The following ATCAY variants were observed in gnomAD, a reference collection of about 807,000 sequenced individuals.
ATCAY encodes the protein ATCAY kinesin light chain interacting caytaxin.
A neutral mutation model predicts 47.7 loss-of-function variants in ATCAY; 22 were observed. The ratio of observed to expected loss-of-function variants is 0.46; its 90% CI spans 0.33 to 0.66. ATCAY has a LOEUF of 0.66. ATCAY is among the 30% of genes least tolerant of loss of function. The pLI is 0.02. For synonymous variants in ATCAY, 216 were observed against 207.6 expected (o/e 1.04, Z -0.35); for missense variants, 452 against 515.0 (o/e 0.88, Z 1.18).
At chr19:3,902,423 C>A in intron 2 of ATCAY, 64 bp from the exon 3 acceptor site, 1 of 1,499,980 alleles carries the variant, frequency 6.7e-7, no homozygotes, top group Non-Finnish European at 9.1e-7. Context: ...TGGGCCACTC[C>A]ACTGTCCTCT....
chr19:3,900,895 CTTTTTTTTT>C (rs59395284), intron 2 of ATCAY, among the ~76,000 whole-genome samples: 1 of 92,252 alleles, frequency 1.1e-5, no homozygotes, highest in Non-Finnish European at 2.0e-5. Context: ...TATCCTTCAT[CTTTTTTTTT>C]TTTTTTTTTT....
At chr19:3,915,970 A>G (rs866260713) in intron 9 of ATCAY, among the ~76,000 whole-genome samples, 3 of 151,742 alleles carry the variant, frequency 2.0e-5, no homozygotes, top group Admixed American at 6.6e-5. Context: ...GATTACAGGC[A>G]TGAGCCACTG....
intron 12 of ATCAY, 68 bp from the exon 13 acceptor site, chr19:3,924,515 A>T: frequency 6.3e-7 from 1 of 1,586,106 alleles, no homozygotes; most frequent in South Asian, 1.1e-5. Context: ...GATTACATAC[A>T]TGTAGAAGCG....
In ATCAY at chr19:3,886,319, G is replaced by T. The variant is rs535832353; in HGVS notation, c.77+475G>T. Among the ~76,000 whole-genome samples the T allele has an allele frequency of 2.8e-4, 42 of 152,232 alleles. No homozygotes were observed. The East Asian group carries it at 5.8e-3, about 21-fold the overall frequency. On this transcript the variant is annotated intron_variant, in intron 2 of 12. Coordinates refer to ENST00000450849, the MANE Select transcript of ATCAY (RefSeq NM_033064.5). ...CAAAAATTAGCTGGGCATGCCGGGC[G>T]CAGTGACTCATGCCTGTAATCCCAG...
intron 6 of ATCAY, among the ~76,000 whole-genome samples, chr19:3,908,904 A>C (rs1002221574): frequency 0.012 from 151 of 13,072 alleles, no homozygotes; most frequent in South Asian, 0.014. Context: ...CCCCCTCCCC[A>C]TCCTCCTCCT....
chr19:3,918,179 G>A (rs2038982393), intron 10 of ATCAY, among the ~76,000 whole-genome samples: 1 of 152,082 alleles, frequency 6.6e-6, no homozygotes, highest in Non-Finnish European at 1.5e-5. Flanking sequence ...GAGGTCAGGA[G>A]TTGGAGAACA....
chr19:3,895,146 A>G (rs1451022287), intron 2 of ATCAY: 2 of 455,990 alleles, frequency 4.4e-6, no homozygotes, highest in East Asian at 1.4e-4. Context: ...GCTTTGCACA[A>G]TCCTGGGAAC....
rs926383867 is a variant in ATCAY, at chr19:3,925,013, G to A, written c.*421G>A. 34 of 167,626 alleles carry A rather than the reference G, an allele frequency of 2.0e-4. No homozygotes were observed. The highest frequency in any genetic ancestry group is 7.4e-4 in the African/African-American group (31 of 41,916). The allele number at this position is 167,626 out of a possible 1,614,324, so 10.4% of individuals were successfully genotyped here. On this transcript the variant is annotated 3_prime_UTR_variant, in exon 13 of 13. Transcript: ENST00000450849. The surrounding 1 kb of genome is among the most constrained non-coding windows in gnomAD (Gnocchi z 4.4). The stretch of plus-strand genomic sequence containing the variant: ...CAGGTTGGAGCCACAGACACCCACC[G>A]CCACCCCGGCTGGGTCTGCGTCCTT...
chr19:3,909,712 G>A lies in ATCAY; in HGVS notation c.779+95G>A, dbSNP rs183325814. On this transcript the variant is annotated intron_variant, in intron 7 of 12. Coordinates refer to ENST00000450849, the MANE Select transcript of ATCAY (RefSeq NM_033064.5). ...TCACACCTGGAATCCCAGCACTTCG[G>A]GAGGCTGAGGTGGGAAGGTCCCTTG... is the stretch of plus-strand genomic sequence containing the variant. 7.3e-4 allele frequency: 1,100 copies of A among 1,501,212 alleles called. 7 individuals carry two copies. In the African/African-American group the frequency reaches 0.014, roughly 19 times the overall value. 93.0% of individuals were successfully genotyped at this position (1,501,212 alleles called of 1,614,324 possible). A position where few individuals can be genotyped will look rare whatever the true frequency, so the allele number is the denominator to read the frequency against.
chr19:3,885,109 TA>T (rs34258948), intron 1 of ATCAY, among the ~76,000 whole-genome samples: 1,877 of 70,262 alleles, frequency 0.027, 40 homozygotes, highest in African/African-American at 0.088. Context: ...TTTTTTTTTT[TA>T]AAAAAAAAAA....
At chr19:3,918,736 C>T in intron 10 of ATCAY, 70 bp from the exon 11 acceptor site, 1 of 1,553,926 alleles carries the variant, frequency 6.4e-7, no homozygotes, top group Non-Finnish European at 8.9e-7. Flanking sequence ...GAGGCCAGTA[C>T]TAGCTGAGAG....
intron 2 of ATCAY, among the ~76,000 whole-genome samples, chr19:3,893,220 C>A (rs2038734844): frequency 6.9e-6 from 1 of 144,926 alleles, no homozygotes; most frequent in African/African-American, 2.6e-5. Flanking sequence ...GTCGCCCAGG[C>A]TGGAGTGCAG....
At chr19:3,905,693 AC>A (rs560509543) in intron 4 of ATCAY, 38 bp downstream of exon 4, 473 of 1,369,270 alleles carry the variant, frequency 3.5e-4, no homozygotes, top group African/African-American at 2.1e-3. Context: ...GCTGGAGCCC[AC>A]CCCCCCCACC....
chr19:3,910,807 C>A lies in ATCAY; in HGVS notation c.784C>A (p.Arg262=). ...TTCCTTTGCGGCCCCACACAGGTTG[C>A]GGAAAAACCTGAAGTCCTTGATCAT... ...KCYQMIDRRL[R]KNLKSLIIVH... The change falls in exon 8 of 13, where the codon CGG becomes AGG. Residue 262 remains arginine, a synonymous_variant. Transcript: ENST00000450849. The A allele has an allele frequency of 6.2e-7, 1 of 1,614,014 alleles. No individual in the cohort carries two copies. Among genetic ancestry groups the A allele is most frequent in the Non-Finnish European group, 8.5e-7 (1 of 1,179,882 alleles).
chr19:3,885,065 T>G lies in ATCAY; in HGVS notation c.-41-662T>G, dbSNP rs985363184. On this transcript the variant is annotated intron_variant, in intron 1 of 12. Coordinates refer to ENST00000450849, the MANE Select transcript of ATCAY (RefSeq NM_033064.5). The stretch of plus-strand genomic sequence containing the variant: ...CTGCCATGAGCCATGATTGTGCCCC[T>G]GCACTCCAGCCCAGGCAACAGAGCA... 2.2e-5 allele frequency among the ~76,000 whole-genome samples: 3 copies of G among 138,364 alleles called. No homozygotes were observed. The East Asian group carries it at 6.7e-4, about 31-fold the overall frequency. The allele number at this position is 138,364 out of a possible 152,430, so 90.8% of individuals were successfully genotyped here.
intron 10 of ATCAY, among the ~76,000 whole-genome samples, chr19:3,918,256 G>A (rs12981252): frequency 0.061 from 9,267 of 151,984 alleles, 323 homozygotes; most frequent in Middle Eastern, 0.085. Flanking sequence ...GTGGTGGTGC[G>A]TGCCTGTAAT....
chr19:3,908,251 C>A lies in ATCAY; in HGVS notation c.545-17C>A. 1 of 1,558,342 alleles carries A rather than the reference C, an allele frequency of 6.4e-7. No individual in the cohort carries two copies. The stretch of plus-strand genomic sequence containing the variant: ...GGGAGAGGACTCTGACGTTGCCGAT[C>A]GGCTGCCTCTCCTCAGGGTACTACG... On this transcript the variant is annotated splice_polypyrimidine_tract_variant and intron_variant, in intron 5 of 12. Coordinates refer to ENST00000450849, the MANE Select transcript of ATCAY (RefSeq NM_033064.5).
rs56742726 is a variant in ATCAY at position 3,914,235 on chromosome 19, C to CAAAAAAAAAAAAA, written c.965+382_965+394dup. 2.6e-4 allele frequency among the ~76,000 whole-genome samples: 16 copies of CAAAAAAAAAAAAA among 62,570 alleles called. 1 individual carries two copies. The highest frequency in any genetic ancestry group is 9.4e-4 in the African/African-American group (9 of 9,564). 41.0% of individuals were successfully genotyped at this position (62,570 alleles called of 152,430 possible). A position where few individuals can be genotyped will look rare whatever the true frequency, so the allele number is the denominator to read the frequency against. On this transcript the variant is annotated intron_variant, in intron 9 of 12. Transcript: ENST00000450849. The stretch of plus-strand genomic sequence containing the variant: ...TGGGCCACAGAGCGAGACTCCATCG[C>CAAAAAAAAAAAAA]AAAAAAAAAAAAAAAGGGCTAACGG...
At chr19:3,897,737 A>G (rs2038782013) in intron 2 of ATCAY, among the ~76,000 whole-genome samples, 1 of 151,906 alleles carries the variant, frequency 6.6e-6, no homozygotes. Context: ...GTGAAACCCC[A>G]TCTCTACTAA....
Sources: gnomAD v4.1 joint callset for allele counts (sites outside exome capture counted in the v4.1 genomes callset) on GRCh38, gnomAD v4.1.1 for gene constraint, Gnocchi (gnomAD v3.1) non-coding constraint, MANE v1.5 for transcripts, NCBI Gene and HGNC (gene_info 2026-07-23, HGNC 2026-07-21) for gene names.